Variants in CLASRP observed in about 807,000 individuals in gnomAD.
CLASRP encodes the protein CLK4-associating serine/arginine rich protein.
A neutral mutation model predicts 99.9 loss-of-function variants in CLASRP; 52 were observed. The ratio of observed to expected loss-of-function variants is 0.52; its 90% CI spans 0.42 to 0.66. The LOEUF is 0.66. Among genes scored for constraint, CLASRP ranks in the 30% least tolerant of loss-of-function variants. The pLI is 0.00. For missense variants in CLASRP, 848 were observed against 999.2 expected, an observed-to-expected ratio of 0.85 and a Z score of 2.04; for synonymous variants, 379 against 373.0, an observed-to-expected ratio of 1.02 and a Z score of -0.18.
At chr19:45,059,846 A>G (rs1159406033) in intron 8 of CLASRP, among the ~76,000 whole-genome samples, 1 of 152,114 alleles carries the variant, frequency 6.6e-6, no homozygotes, top group Non-Finnish European at 1.5e-5. Flanking sequence ...TCCCTCAGGA[A>G]CATCCAGTGT....
chr19:45,064,069 C>T lies in CLASRP; in HGVS notation c.963C>T (p.Gly321=), dbSNP rs774960512. ...CCCGCTCCCGCTCCCCGACCCCGGG[C>T]CGCGAGGAGAAGATCACGTTCATCA... The part of the protein sequence containing the change: ...SRSRSRSPTP[G]REEKITFITS... Residue 321 remains glycine (G), a synonymous_variant, in exon 12 of 21, where the codon GGC becomes GGT. Transcript: ENST00000221455. 1.9e-6 allele frequency: 3 copies of T among 1,612,540 alleles called. No homozygotes were observed. The Admixed American group carries it at 5.0e-5, about 27-fold the overall frequency.
chr19:45,070,216 C>G, intron 19 of CLASRP, 112 bp downstream of exon 19: 1 of 749,240 alleles, frequency 1.3e-6, no homozygotes, highest in Middle Eastern at 2.5e-4. Context: ...CCTGTAATCC[C>G]AGCACTTTGG....
At position 45,067,201 on chromosome 19, in the gene CLASRP, G is replaced by GAGTA; in HGVS notation, c.1410-135_1410-132dup. ...GCCGCTCTGGGACATTTTGGAGGGAGAGTAGCAGGAGAGGAGAGTCGAGCC... is the reference window on the plus strand; with the variant it reads ...GCCGCTCTGGGACATTTTGGAGGGAGAGTAAGTAGCAGGAGAGGAGAGTCGAGCC... On this transcript the variant is annotated intron_variant, in intron 13 of 20. Coordinates refer to ENST00000221455, the MANE Select transcript of CLASRP (RefSeq NM_007056.3). This position sits in a 1 kb window ranked among gnomAD's most constrained non-coding sequence, Gnocchi z 4.9. 2 of 1,020,456 alleles carry GAGTA rather than the reference G, an allele frequency of 2.0e-6. No homozygotes were observed. Among genetic ancestry groups the GAGTA allele is most frequent in the Non-Finnish European group, 2.8e-6 (2 of 725,720 alleles). 63.2% of individuals were successfully genotyped at this position (1,020,456 alleles called of 1,614,324 possible). A position where few individuals can be genotyped will look rare whatever the true frequency, so the allele number is the denominator to read the frequency against.
chr19:45,059,210 C>G (rs1395997511), intron 7 of CLASRP, 58 bp from the exon 8 acceptor site: 1 of 1,443,880 alleles, frequency 6.9e-7, no homozygotes, highest in Admixed American at 1.9e-5. Context: ...GAGCACTGCC[C>G]CTTCTCCCCT....
chr19:45,060,876 A>C lies in CLASRP; in HGVS notation c.863+249A>C, dbSNP rs530197767. On this transcript the variant is annotated intron_variant, in intron 10 of 20. Transcript: ENST00000221455. This position sits in a 1 kb window ranked among gnomAD's most constrained non-coding sequence, Gnocchi z 4.6. The stretch of plus-strand genomic sequence containing the variant: ...GCCCTTGCCAGACTCCCAGGAGCCC[A>C]TGCACAGGCGGCATAAGGCTCTCAC... Among the ~76,000 whole-genome samples, 1 of 152,298 alleles carries C rather than the reference A, an allele frequency of 6.6e-6. No homozygotes were observed. The highest frequency in any genetic ancestry group is 1.5e-5 in the Non-Finnish European group (1 of 68,020).
chr19:45,064,060 G>C lies in CLASRP; in HGVS notation c.954G>C (p.Pro318=), dbSNP rs769226813. The change falls in exon 12 of 21, where the codon CCG becomes CCC. Residue 318 remains proline (P), a synonymous_variant. Transcript: ENST00000221455. ...AGTCCCGCTCCCGCTCCCGCTCCCC[G>C]ACCCCGGGCCGCGAGGAGAAGATCA... The part of the protein sequence containing the change: ...SSESRSRSRS[P]TPGREEKITF... 45 of 1,609,492 alleles carry C rather than the reference G, an allele frequency of 2.8e-5. No individual in the cohort carries two copies. The highest frequency in any genetic ancestry group is 3.1e-5 in the Non-Finnish European group (37 of 1,178,756).
intron 2 of CLASRP, among the ~76,000 whole-genome samples, chr19:45,044,517 A>ATTT (rs1226831624): frequency 1.3e-5 from 2 of 152,204 alleles, no homozygotes; most frequent in East Asian, 3.8e-4. Context: ...TCTGACCCTT[A>ATTT]ACCTCTCTAA....
At chr19:45,063,756 T>A (rs979626558) in intron 11 of CLASRP, among the ~76,000 whole-genome samples, 8 of 152,140 alleles carry the variant, frequency 5.3e-5, no homozygotes, top group South Asian at 4.1e-4. Context: ...GGCCTGCTCA[T>A]CCATTTTTCA....
In CLASRP at chr19:45,067,629, A is replaced by C; in HGVS notation, c.1667+35A>C. On this transcript the variant is annotated intron_variant, in intron 14 of 20. Transcript: ENST00000221455. The surrounding 1 kb of genome is among the most constrained non-coding windows in gnomAD (Gnocchi z 4.9). ...GCGGGTCTGGAGGAAGAGGGCTGCCAATCTCGGGTGGGGAGGGTGAACATC... is the reference window on the plus strand; with the variant it reads ...GCGGGTCTGGAGGAAGAGGGCTGCCCATCTCGGGTGGGGAGGGTGAACATC... 1 of 1,546,336 alleles carries C rather than the reference A, an allele frequency of 6.5e-7. No individual in the cohort carries two copies. The highest frequency in any genetic ancestry group is 8.8e-7 in the Non-Finnish European group (1 of 1,141,416).
intron 18 of CLASRP, 55 bp downstream of exon 18, chr19:45,069,303 T>G (rs964833359): frequency 1.9e-6 from 3 of 1,572,840 alleles, no homozygotes; most frequent in Non-Finnish European, 2.6e-6. Flanking sequence ...TGCCTGGCCT[T>G]CCCACCATGG....
intron 15 of CLASRP, 159 bp from the exon 16 acceptor site, chr19:45,068,261 C>T (rs529797570): frequency 1.5e-6 from 1 of 659,744 alleles, no homozygotes; most frequent in African/African-American, 1.8e-5. Flanking sequence ...CACTGAACCT[C>T]TGGGAGCCTC....
chr19:45,059,724 C>A (rs1391535654), intron 8 of CLASRP, among the ~76,000 whole-genome samples: 2 of 152,204 alleles, frequency 1.3e-5, no homozygotes, highest in African/African-American at 4.8e-5. Context: ...TGAGCCACAC[C>A]CCCTGCTGAG....
intron 2 of CLASRP, among the ~76,000 whole-genome samples, chr19:45,050,108 G>A (rs1397112930): frequency 6.6e-6 from 1 of 151,204 alleles, no homozygotes; most frequent in Non-Finnish European, 1.5e-5. Flanking sequence ...AAGGAATGGC[G>A]TGAGGCGAGG....
rs777059682 is a variant in CLASRP, at chr19:45,067,497, C to T, written c.1570C>T (p.Arg524Cys). 33 of 1,582,498 alleles carry T rather than the reference C, an allele frequency of 2.1e-5. No homozygotes were observed. Among genetic ancestry groups the T allele is most frequent in the South Asian group, 1.0e-4 (9 of 88,518 alleles). ...HSPSPSQSRS[R>C]SRSRSQSPSP... Reference sequence around the variant, plus strand: ...CCCCAGCCCCAGCCAGAGCCGCAGCCGCAGCCGCAGCCGCAGCCAGAGCCC... The same window carrying T: ...CCCCAGCCCCAGCCAGAGCCGCAGCTGCAGCCGCAGCCGCAGCCAGAGCCC... Residue 524 changes from arginine to cysteine, a missense_variant, in exon 14 of 21, where the codon CGC becomes TGC. By Grantham distance (180) the Arg-to-Cys change is radical. Around this residue, in one of 8 missense-constraint regions of CLASRP, gnomAD observed 489 missense variants for 434.7 expected, o/e 1.12. Coordinates refer to ENST00000221455, the MANE Select transcript of CLASRP (RefSeq NM_007056.3). The surrounding 1 kb of genome is among the most constrained non-coding windows in gnomAD (Gnocchi z 4.9).
intron 5 of CLASRP, among the ~76,000 whole-genome samples, 154 bp downstream of exon 5, chr19:45,053,331 A>G (rs1972062110): frequency 6.6e-6 from 1 of 152,012 alleles, no homozygotes; most frequent in Non-Finnish European, 1.5e-5. Flanking sequence ...CTTTGCCTGC[A>G]TCTCTTTCCC....
intron 2 of CLASRP, among the ~76,000 whole-genome samples, chr19:45,043,490 T>C (rs918124317): frequency 2.6e-5 from 4 of 151,788 alleles, no homozygotes; most frequent in Admixed American, 2.0e-4. Context: ...TGGGGACTAA[T>C]TATATTTGGG....
rs766487326 is a variant in CLASRP at position 45,067,510 on chromosome 19, G to T, written c.1583G>T (p.Arg528Leu). ...CAGAGCCGCAGCCGCAGCCGCAGCC[G>T]CAGCCAGAGCCCCTCGCCATCACCC... ...PSQSRSRSRS[R>L]SQSPSPSPAR... The change falls in exon 14 of 21, where the codon CGC becomes CTC. Residue 528 changes from arginine (R) to leucine (L), a missense_variant. This residue lies in a region of CLASRP where 489 missense variants were observed against 434.7 expected (regional missense o/e 1.12). Transcript: ENST00000221455. This position sits in a 1 kb window ranked among gnomAD's most constrained non-coding sequence, Gnocchi z 4.9. 21 of 1,594,504 alleles carry T rather than the reference G, an allele frequency of 1.3e-5. No individual in the cohort carries two copies. Among genetic ancestry groups the T allele is most frequent in the Non-Finnish European group, 1.8e-5 (21 of 1,174,852 alleles).
intron 2 of CLASRP, among the ~76,000 whole-genome samples, chr19:45,051,067 G>A (rs140689532): frequency 6.6e-6 from 1 of 152,010 alleles, no homozygotes; most frequent in South Asian, 2.1e-4. Flanking sequence ...CCTAGTGTGG[G>A]TGAAGTGGTA....
chr19:45,068,580 C>T, intron 16 of CLASRP, 100 bp downstream of exon 16: 1 of 897,782 alleles, frequency 1.1e-6, no homozygotes, highest in Non-Finnish European at 1.9e-6. Context: ...TGGCCCTTCC[C>T]TAGAGAGGCC....
Sources: allele counts gnomAD v4.1 joint callset (sites outside exome capture counted in the v4.1 genomes callset), GRCh38; gene constraint gnomAD v4.1.1; regional missense constraint gnomAD v4.1.1; non-coding constraint Gnocchi (gnomAD v3.1); transcripts MANE v1.5; gene names NCBI Gene and HGNC (gene_info 2026-07-23, HGNC 2026-07-21).